Variants in ASB4 observed in about 807,000 individuals in gnomAD.
ASB4 encodes ankyrin repeat and SOCS box protein 4.
Under a neutral mutation model 38.6 loss-of-function variants are expected in ASB4, and 35 were observed. That is an observed-to-expected ratio of 0.91 (90% CI 0.69 to 1.20). The LOEUF is 1.20. ASB4 is among the 50% of genes most tolerant of loss of function. ASB4 has a pLI of 0.00. For synonymous variants in ASB4, 195 were observed against 201.3 expected (o/e 0.97, Z 0.26); for missense variants, 557 against 527.2 (o/e 1.06, Z -0.55).
chr7:95,485,458 A>G (rs1342416193), upstream of ASB4, among the ~76,000 whole-genome samples: 1 of 152,118 alleles, frequency 6.6e-6, no homozygotes, highest in Non-Finnish European at 1.5e-5. Context: ...TTGTCTTCAG[A>G]TATGTATGAC....
chr7:95,525,485 A>G (rs1790724382), intron 2 of ASB4, among the ~76,000 whole-genome samples: 1 of 152,178 alleles, frequency 6.6e-6, no homozygotes, highest in African/African-American at 2.4e-5. Flanking sequence ...ACACAATTCA[A>G]GTATAAAAAT....
intron 3 of ASB4, among the ~76,000 whole-genome samples, chr7:95,534,301 C>T (rs1245528228): frequency 6.6e-6 from 1 of 151,558 alleles, no homozygotes; most frequent in East Asian, 1.9e-4. Context: ...TGAGATTGCA[C>T]CATTGCACTC....
chr7:95,518,355 G>T (rs892599612), intron 2 of ASB4, among the ~76,000 whole-genome samples: 1 of 152,232 alleles, frequency 6.6e-6, no homozygotes, highest in Non-Finnish European at 1.5e-5. Flanking sequence ...ATGATATTGT[G>T]ATAGTGGGGC....
At chr7:95,543,201 A>G (rs1282923270), downstream of ASB4, 1 of 152,310 alleles carries the variant, frequency 6.6e-6, no homozygotes, top group Non-Finnish European at 1.5e-5. Flanking sequence ...TGAGCTGCCC[A>G]TTCTCTAAAC....
intron 1 of ASB4, 31 bp downstream of exon 1, chr7:95,486,189 G>A (rs1221559481): frequency 5.2e-6 from 8 of 1,536,488 alleles, no homozygotes; most frequent in African/African-American, 1.4e-5. Context: ...TTGTAGAACT[G>A]TTAGAAAATG....
chr7:95,551,007 T>C, the ASB4 span, among the ~76,000 whole-genome samples: 1 of 152,152 alleles, frequency 6.6e-6, no homozygotes, highest in African/African-American at 2.4e-5. Flanking sequence ...TAAATAAAAG[T>C]CTCGCTTTTG....
intron 4 of ASB4, 112 bp from the exon 5 acceptor site, chr7:95,537,459 A>T (rs1267766946): frequency 1.1e-6 from 1 of 880,206 alleles, no homozygotes; most frequent in African/African-American, 1.7e-5. Flanking sequence ...TCACCAATAG[A>T]GACCCTAGGA....
upstream of ASB4, among the ~76,000 whole-genome samples, chr7:95,484,958 A>T (rs966600565): frequency 8.0e-6 from 1 of 124,472 alleles, no homozygotes; most frequent in African/African-American, 3.2e-5. Flanking sequence ...ACACACACAT[A>T]TATATATGTG....
intron 2 of ASB4, among the ~76,000 whole-genome samples, chr7:95,523,196 T>C (rs566883723): frequency 6.6e-6 from 1 of 152,314 alleles, no homozygotes; most frequent in South Asian, 2.1e-4. Context: ...TAATCAAGAT[T>C]GTTATGCAAC....
chr7:95,541,118 G>A (rs1484101953), downstream of ASB4, among the ~76,000 whole-genome samples: 1 of 152,126 alleles, frequency 6.6e-6, no homozygotes, highest in Non-Finnish European at 1.5e-5. Flanking sequence ...ATTACAGTTA[G>A]GTGTTTGGAG....
chr7:95,513,444 T>TA (rs1326166199), intron 2 of ASB4, among the ~76,000 whole-genome samples: 8 of 151,900 alleles, frequency 5.3e-5, no homozygotes, highest in Non-Finnish European at 1.0e-4. Context: ...AGGGAATAGA[T>TA]ACAGTCTGTT....
At chr7:95,500,240 A>G (rs2116598084) in intron 2 of ASB4, among the ~76,000 whole-genome samples, 1 of 152,164 alleles carries the variant, frequency 6.6e-6, no homozygotes, top group East Asian at 1.9e-4. Context: ...GAAACTTACT[A>G]GAGAAATGTA....
At chr7:95,482,019 G>T (rs914511995), upstream of ASB4, among the ~76,000 whole-genome samples, 16 of 152,308 alleles carry the variant, frequency 1.1e-4, no homozygotes, top group African/African-American at 3.8e-4. Context: ...GTGGAGGCAG[G>T]TCTCACACCT....
chr7:95,482,911 G>A (rs1392603282), upstream of ASB4, among the ~76,000 whole-genome samples: 1 of 152,150 alleles, frequency 6.6e-6, no homozygotes, highest in Non-Finnish European at 1.5e-5. Context: ...GAGGAAGTTC[G>A]AGGACACTGA....
intron 3 of ASB4, among the ~76,000 whole-genome samples, chr7:95,532,891 C>T (rs895359745): frequency 6.6e-6 from 1 of 152,158 alleles, no homozygotes; most frequent in Admixed American, 6.5e-5. Flanking sequence ...TACTGAACAT[C>T]TTCTGTTTTC....
At chr7:95,476,194 A>G (rs759109786), upstream of ASB4, among the ~76,000 whole-genome samples, 54 of 152,204 alleles carry the variant, frequency 3.5e-4, no homozygotes, top group Non-Finnish European at 7.3e-5. Flanking sequence ...GTCGGTCCCT[A>G]CTACACCTAT....
chr7:95,537,791 T>C lies in ASB4; in HGVS notation c.*32T>C. 1 of 1,583,086 alleles carries C rather than the reference T, an allele frequency of 6.3e-7. No individual in the cohort carries two copies. The highest frequency in any genetic ancestry group is 8.6e-7 in the Non-Finnish European group (1 of 1,157,968). The stretch of plus-strand genomic sequence containing the variant: ...TGAGACAGCAGTTCCCAATCCTAGG[T>C]ATTTAAGTGGACTTGCTGGGTAGAC... On this transcript the variant is annotated 3_prime_UTR_variant, in exon 5 of 5. Coordinates refer to ENST00000325885, the MANE Select transcript of ASB4 (RefSeq NM_016116.3).
downstream of ASB4, chr7:95,542,981 G>A (rs560300197): frequency 6.6e-6 from 1 of 152,312 alleles, no homozygotes; most frequent in African/African-American, 2.4e-5. Flanking sequence ...GCTGGGGTGT[G>A]TAAGGCAGCC....
At chr7:95,481,707 A>C (rs1292906404), upstream of ASB4, among the ~76,000 whole-genome samples, 1 of 152,216 alleles carries the variant, frequency 6.6e-6, no homozygotes, top group Admixed American at 6.5e-5. Flanking sequence ...TACACAGACA[A>C]GCATCTGGGA....
Sources: gnomAD v4.1 joint callset for allele counts (sites outside exome capture counted in the v4.1 genomes callset) on GRCh38, gnomAD v4.1.1 for gene constraint, MANE v1.5 for transcripts, NCBI Gene and HGNC (gene_info 2026-07-23, HGNC 2026-07-21) for gene names.